Variants in DPF2 observed in about 807,000 individuals in gnomAD.
DPF2 encodes zinc finger protein ubi-d4.
DPF2 carries 10 observed loss-of-function variants against 59.6 expected under a neutral mutation model. That is an observed-to-expected ratio of 0.17 (90% confidence interval 0.10 to 0.28). The LOEUF (loss-of-function observed/expected upper bound fraction) is 0.28. DPF2 is among the 10% of genes least tolerant of loss of function. The probability of loss-of-function intolerance (pLI) is 1.00; values close to 1 mark genes in which losing one functional copy is unlikely to be tolerated. For missense variants in DPF2, 315 were observed against 509.4 expected, an observed-to-expected ratio of 0.62 and a Z score of 3.67; for synonymous variants, 189 against 190.6, an observed-to-expected ratio of 0.99 and a Z score of 0.07.
intron 6 of DPF2, chr11:65,344,444 C>T (rs552519687): frequency 2.5e-6 from 2 of 784,318 alleles, no homozygotes; most frequent in Non-Finnish European, 4.0e-6. Flanking sequence ...TGCCTTGCCC[C>T]ACTTCTGTCC....
At chr11:65,345,508 G>A in intron 6 of DPF2, 158 bp from the exon 7 acceptor site, 1 of 1,012,532 alleles carries the variant, frequency 9.9e-7, no homozygotes, top group Non-Finnish European at 1.4e-6. Context: ...TCCTGGCTGA[G>A]GGGAAGTGGC....
In DPF2 at chr11:65,353,623, C is replaced by T. The variant is rs1696213060; in HGVS notation, c.*1864C>T. Among the ~76,000 whole-genome samples the T allele has an allele frequency of 6.6e-6, 1 of 152,170 alleles. No homozygotes were observed. Among genetic ancestry groups the T allele is most frequent in the African/African-American group, 2.4e-5 (1 of 41,416 alleles). On this transcript the variant is annotated 3_prime_UTR_variant, in exon 11 of 11. Coordinates refer to ENST00000528416, the MANE Select transcript of DPF2 (RefSeq NM_006268.5). ...AGAGCTTACGTGGCAGCGCGTATGTCTTCAGTGTGTGTTTTAGAAGTCCAA... is the reference window on the plus strand; with the variant it reads ...AGAGCTTACGTGGCAGCGCGTATGTTTTCAGTGTGTGTTTTAGAAGTCCAA...
rs1373047198 is a variant in DPF2, at chr11:65,341,568, G to A, written c.465+6G>A. Reference sequence around the variant, plus strand: ...CCAACAGTCGAGCGCGAAAGGTACAGGATTATCCCTGTGGCTAAGGGAGCT... The same window carrying A: ...CCAACAGTCGAGCGCGAAAGGTACAAGATTATCCCTGTGGCTAAGGGAGCT... On this transcript the variant is annotated splice_donor_region_variant and intron_variant, in intron 4 of 10. Coordinates refer to ENST00000528416, the MANE Select transcript of DPF2 (RefSeq NM_006268.5). 1.2e-6 allele frequency: 2 copies of A among 1,613,640 alleles called. No homozygotes were observed. Among genetic ancestry groups the A allele is most frequent in the Non-Finnish European group, 1.7e-6 (2 of 1,179,714 alleles).
At chr11:65,348,511 G>A (rs1421411811) in intron 9 of DPF2, 2 of 217,430 alleles carry the variant, frequency 9.2e-6, no homozygotes, top group Non-Finnish European at 1.8e-5. Context: ...GGCCCAGGAG[G>A]TCAAGGCTGC....
chr11:65,346,352 A>G lies in DPF2; in HGVS notation c.1010A>G (p.Glu337Gly). 6.2e-7 allele frequency: 1 copy of G among 1,612,090 alleles called. No homozygotes were observed. The highest frequency in any genetic ancestry group is 8.5e-7 in the Non-Finnish European group (1 of 1,179,928). The change falls in exon 9 of 11, where the codon GAG (glutamate) becomes GGG (glycine). Residue 337 changes from glutamate (E) to glycine (G), a missense_variant. This residue lies in a region of DPF2 where 27 missense variants were observed against 125.8 expected (regional missense o/e 0.21). Coordinates refer to ENST00000528416, the MANE Select transcript of DPF2 (RefSeq NM_006268.5). Reference sequence around the variant, plus strand: ...TGTTGCAATATCTGCGGCACCTCCGAGAATGACGTGTGTATCCCCGCCCCC... The same window carrying G: ...TGTTGCAATATCTGCGGCACCTCCGGGAATGACGTGTGTATCCCCGCCCCC... ...CKCCNICGTS[E>G]NDDQLLFCDD... is the part of the protein sequence containing the mutation.
At chr11:65,337,705 A>G (rs1165264444) in intron 1 of DPF2, among the ~76,000 whole-genome samples, 1 of 151,650 alleles carries the variant, frequency 6.6e-6, no homozygotes. Context: ...CTAGGCTCAA[A>G]TGATTCCCCT....
intron 1 of DPF2, among the ~76,000 whole-genome samples, chr11:65,340,087 T>C (rs1854316968): frequency 6.6e-6 from 1 of 152,204 alleles, no homozygotes. Flanking sequence ...GGGGTGGGCT[T>C]GTGAGACACG....
intron 9 of DPF2, chr11:65,347,394 A>C (rs1854566720): frequency 6.6e-6 from 1 of 151,888 alleles, no homozygotes; most frequent in African/African-American, 2.4e-5. Flanking sequence ...CAGTGACGCG[A>C]TCTTAGCTCA....
intron 1 of DPF2, among the ~76,000 whole-genome samples, chr11:65,336,105 G>A (rs936018875): frequency 1.3e-5 from 2 of 151,702 alleles, no homozygotes; most frequent in African/African-American, 2.4e-5. Context: ...GAGCCACCAC[G>A]CCCGGCCCCT....
chr11:65,348,757 C>A, intron 9 of DPF2, 93 bp from the exon 10 acceptor site: 1 of 1,266,854 alleles, frequency 7.9e-7, no homozygotes, highest in South Asian at 1.2e-5. Flanking sequence ...TTCTTACCTG[C>A]TACCTACCCC....
In DPF2 at chr11:65,351,949, C is replaced by A; in HGVS notation, c.*190C>A. ...CTGACCACCTCTGGCCCCAGGCCCT[C>A]AGGGAGAAAGGAGCAACACACTGCC... is the stretch of plus-strand genomic sequence containing the variant. On this transcript the variant is annotated 3_prime_UTR_variant, in exon 11 of 11. Transcript: ENST00000528416. 1 of 624,956 alleles carries A rather than the reference C, an allele frequency of 1.6e-6. No individual in the cohort carries two copies. The allele number at this position is 624,956 out of a possible 1,614,324, so 38.7% of individuals were successfully genotyped here. A position where few individuals can be genotyped will look rare whatever the true frequency, so the allele number is the denominator to read the frequency against.
chr11:65,351,171 T>C (rs1003888800), intron 10 of DPF2, among the ~76,000 whole-genome samples: 2 of 152,094 alleles, frequency 1.3e-5, no homozygotes, highest in Non-Finnish European at 2.9e-5. Context: ...TAGAATAATG[T>C]CCAAATGCGC....
Position 65,343,956 on chromosome 11 carries a change from C to A in DPF2, c.559-35C>A, listed in dbSNP as rs4647583. The stretch of plus-strand genomic sequence containing the variant: ...GAGTCTAACTCCTCAGGCCCAGCTA[C>A]CAAAATAAGGGTGTCTCTTTGCTCT... On this transcript the variant is annotated intron_variant, in intron 5 of 10. Coordinates refer to ENST00000528416, the MANE Select transcript of DPF2 (RefSeq NM_006268.5). The A allele has an allele frequency of 1.3e-3, 2,153 of 1,613,710 alleles. 26 individuals are homozygous for A. In the African/African-American group the frequency reaches 0.026, roughly 20 times the overall value.
In DPF2 at chr11:65,351,783, A is replaced by G; in HGVS notation, c.*24A>G. On this transcript the variant is annotated 3_prime_UTR_variant, in exon 11 of 11. Transcript: ENST00000528416. ...GATGTGGCCACCCACCTGCTCCCCGACATATCTAAGGCTGTTTCTCTCCTC... is the reference window on the plus strand; with the variant it reads ...GATGTGGCCACCCACCTGCTCCCCGGCATATCTAAGGCTGTTTCTCTCCTC... 1 of 1,609,124 alleles carries G rather than the reference A, an allele frequency of 6.2e-7. No individual in the cohort carries two copies. Among genetic ancestry groups the G allele is most frequent in the Non-Finnish European group, 8.5e-7 (1 of 1,176,976 alleles).
Position 65,351,951 on chromosome 11 carries a change from G to A in DPF2, c.*192G>A, listed in dbSNP as rs1854710710. 1 of 619,674 alleles carries A rather than the reference G, an allele frequency of 1.6e-6. No homozygotes were observed. The highest frequency in any genetic ancestry group is 2.8e-6 in the Non-Finnish European group (1 of 353,316). The allele number at this position is 619,674 out of a possible 1,614,324, so 38.4% of individuals were successfully genotyped here. On this transcript the variant is annotated 3_prime_UTR_variant, in exon 11 of 11. Coordinates refer to ENST00000528416, the MANE Select transcript of DPF2 (RefSeq NM_006268.5). ...GACCACCTCTGGCCCCAGGCCCTCAGGGAGAAAGGAGCAACACACTGCCCC... is the reference window on the plus strand; with the variant it reads ...GACCACCTCTGGCCCCAGGCCCTCAAGGAGAAAGGAGCAACACACTGCCCC...
At chr11:65,344,232 G>A (rs912469788) in intron 6 of DPF2, 163 bp downstream of exon 6, 11 of 710,922 alleles carry the variant, frequency 1.5e-5, no homozygotes, top group Non-Finnish European at 2.7e-5. Context: ...GGAGGCCTGG[G>A]TCCCTGCTAT....
In DPF2 at chr11:65,343,978, C is replaced by G; in HGVS notation, c.559-13C>G. ...CTACCAAAATAAGGGTGTCTCTTTG[C>G]TCTTCTTGGCAGGGTAAGGGTGTGG... is the stretch of plus-strand genomic sequence containing the variant. On this transcript the variant is annotated splice_polypyrimidine_tract_variant and intron_variant, in intron 5 of 10. Transcript: ENST00000528416. 3 of 1,614,142 alleles carry G rather than the reference C, an allele frequency of 1.9e-6. No homozygotes were observed. The highest frequency in any genetic ancestry group is 1.7e-6 in the Non-Finnish European group (2 of 1,179,996).
intron 10 of DPF2, among the ~76,000 whole-genome samples, chr11:65,350,601 C>T (rs1170036920): frequency 2.0e-5 from 3 of 149,264 alleles, no homozygotes; most frequent in Non-Finnish European, 3.0e-5. Flanking sequence ...AGGCTGGTCT[C>T]GAACTCCTGG....
intron 1 of DPF2, among the ~76,000 whole-genome samples, chr11:65,336,326 T>A (rs1950094578): frequency 6.7e-6 from 1 of 149,468 alleles, no homozygotes; most frequent in Non-Finnish European, 1.5e-5. Context: ...ACCTCATCTC[T>A]ACTAAAACTA....
Sources: allele counts gnomAD v4.1 joint callset (sites outside exome capture counted in the v4.1 genomes callset), GRCh38; gene constraint gnomAD v4.1.1; regional missense constraint gnomAD v4.1.1; transcripts MANE v1.5; gene names NCBI Gene and HGNC (gene_info 2026-07-23, HGNC 2026-07-21).